Variants in BRD1 observed in about 807,000 individuals in gnomAD.
BRD1 encodes the protein bromodomain-containing protein 1.
BRD1 carries 24 observed loss-of-function variants against 107.7 expected under a neutral mutation model. That is an observed-to-expected ratio of 0.22 (90% CI 0.16 to 0.31). The LOEUF is 0.31. Among genes scored for constraint, BRD1 ranks in the 10% least tolerant of loss-of-function variants. BRD1 has a pLI of 1.00. For synonymous variants in BRD1, 744 were observed against 686.1 expected (o/e 1.08, Z -1.32); for missense variants, 1,279 against 1,638.6 (o/e 0.78, Z 3.79).
chr22:49,778,152 T>C (rs958779206), intron 8 of BRD1, among the ~76,000 whole-genome samples: 2 of 152,198 alleles, frequency 1.3e-5, no homozygotes, highest in African/African-American at 2.4e-5. Flanking sequence ...GGGGCAGATG[T>C]GCAACCTGTG....
intron 3 of BRD1, among the ~76,000 whole-genome samples, chr22:49,800,311 CT>C (rs1037508684): frequency 9.2e-5 from 14 of 152,334 alleles, no homozygotes; most frequent in Non-Finnish European, 7.3e-5. Flanking sequence ...CGTTGCTGCG[CT>C]GATGTCCCCT....
At chr22:49,781,533 C>G (rs1383570201) in intron 8 of BRD1, among the ~76,000 whole-genome samples, 1 of 152,264 alleles carries the variant, frequency 6.6e-6, no homozygotes, top group East Asian at 1.9e-4. Flanking sequence ...AGGCCCTGAT[C>G]AGTGGCTGCC....
chr22:49,819,297 T>A (rs1397670504), intron 2 of BRD1, among the ~76,000 whole-genome samples: 2 of 144,658 alleles, frequency 1.4e-5, no homozygotes, highest in Admixed American at 1.4e-4. Flanking sequence ...AAAATAACAA[T>A]AAATCAATGT....
Position 49,792,626 on chromosome 22 carries a change from G to A in BRD1, c.2359+1408C>T, listed in dbSNP as rs1407232756. 1.3e-5 allele frequency among the ~76,000 whole-genome samples: 2 copies of A among 152,202 alleles called. No individual in the cohort carries two copies. Among genetic ancestry groups the A allele is most frequent in the African/African-American group, 4.8e-5 (2 of 41,434 alleles). On this transcript the variant is annotated intron_variant, in intron 7 of 12. Coordinates refer to ENST00000404760, the MANE Select transcript of BRD1 (RefSeq NM_001304808.3). The surrounding 1 kb of genome is among the most constrained non-coding windows in gnomAD (Gnocchi z 4.2). Reference sequence around the variant, plus strand: ...AAAGCCTTTATTCTATGGACCTAACGTAATTGACGCCAGCCCCAAAAGAGA... The same window carrying A: ...AAAGCCTTTATTCTATGGACCTAACATAATTGACGCCAGCCCCAAAAGAGA...
intron 4 of BRD1, 135 bp downstream of exon 4, chr22:49,798,853 C>T (rs1235039338): frequency 1.8e-5 from 26 of 1,432,204 alleles, no homozygotes; most frequent in East Asian, 4.9e-5. Context: ...AGCCAGGCAC[C>T]CAGCCTGGGC....
At chr22:49,780,645 T>A (rs1480351709) in intron 8 of BRD1, among the ~76,000 whole-genome samples, 1 of 152,236 alleles carries the variant, frequency 6.6e-6, no homozygotes, top group Non-Finnish European at 1.5e-5. Flanking sequence ...TGGCCTGCGC[T>A]GCCCGGACCC....
chr22:49,775,996 C>T (rs1267117052), intron 11 of BRD1, 54 bp downstream of exon 11: 51 of 1,523,746 alleles, frequency 3.3e-5, no homozygotes, highest in Middle Eastern at 3.6e-4. Flanking sequence ...ACCCCCGCCC[C>T]GCAGCTGTGT....
At chr22:49,825,202 A>G (rs1378348020) in intron 1 of BRD1, among the ~76,000 whole-genome samples, 2 of 152,038 alleles carry the variant, frequency 1.3e-5, no homozygotes, top group Non-Finnish European at 2.9e-5. Context: ...ATCCAGACAC[A>G]TGCATGACGC....
intron 7 of BRD1, among the ~76,000 whole-genome samples, chr22:49,790,746 C>T (rs1489091921): frequency 2.6e-5 from 4 of 152,218 alleles, no homozygotes; most frequent in Admixed American, 1.3e-4. Context: ...CTCAAGCCTC[C>T]GTCCTCTGCA....
Position 49,803,151 on chromosome 22 carries a change from C to A in BRD1, c.1524+1053G>T, listed in dbSNP as rs2059673059. 6.6e-6 allele frequency among the ~76,000 whole-genome samples: 1 copy of A among 152,236 alleles called. No homozygotes were observed. Among genetic ancestry groups the A allele is most frequent in the African/African-American group, 2.4e-5 (1 of 41,464 alleles). ...CCAGAGCACCAGACTCTGTAGTTCCCTGGAGCACAAGGCAGCCACGGCAGG... is the reference window on the plus strand; with the variant it reads ...CCAGAGCACCAGACTCTGTAGTTCCATGGAGCACAAGGCAGCCACGGCAGG... On this transcript the variant is annotated intron_variant, in intron 3 of 12. Transcript: ENST00000404760. This position sits in a 1 kb window ranked among gnomAD's most constrained non-coding sequence, Gnocchi z 4.4.
chr22:49,817,389 T>C (rs945098262), intron 2 of BRD1: 10 of 165,516 alleles, frequency 6.0e-5, no homozygotes, highest in Non-Finnish European at 9.3e-5. Flanking sequence ...GCTAACAACA[T>C]CTATTAGGAC....
Position 49,774,369 on chromosome 22 carries a change from G to C in BRD1, c.3434C>G (p.Thr1145Ser). 3 of 1,614,002 alleles carry C rather than the reference G, an allele frequency of 1.9e-6. No individual in the cohort carries two copies. Among genetic ancestry groups the C allele is most frequent in the Non-Finnish European group, 2.5e-6 (3 of 1,179,922 alleles). The change falls in exon 13 of 13, where the codon ACT (threonine) becomes AGT (serine). Residue 1145 changes from threonine (T) to serine (S), a missense_variant. Coordinates refer to ENST00000404760, the MANE Select transcript of BRD1 (RefSeq NM_001304808.3). ...TTCCATCATCTTTAACTTGTCTATA[G>C]TTTCGTCAATACCAAGGGGAACCAT... ...SKMVPLGIDE[T>S]IDKLKMMEGR...
rs371012698 is a variant in BRD1 at position 49,798,651 on chromosome 22, C to G, written c.1692G>C (p.Leu564=). 79 of 1,612,642 alleles carry G rather than the reference C, an allele frequency of 4.9e-5. No individual in the cohort carries two copies. In the Middle Eastern group the frequency reaches 1.2e-3, roughly 24 times the overall value. The stretch of plus-strand genomic sequence containing the variant: ...AGCGCAGCAGCACCGTCAGCGGGGT[C>G]AGCCGCAGCTCCATGGCGACCTGCT... ...KVEQVAMELR[L]TPLTVLLRSV... Residue 564 remains leucine (L), a synonymous_variant, in exon 5 of 13, where the codon CTG becomes CTC. Transcript: ENST00000404760.
rs1486672139 is a variant in BRD1, at chr22:49,803,866, T to C, written c.1524+338A>G. On this transcript the variant is annotated intron_variant, in intron 3 of 12. Transcript: ENST00000404760. The surrounding 1 kb of genome is among the most constrained non-coding windows in gnomAD (Gnocchi z 4.4). ...CTGCTGTCCCCAGCCCGGACGCTCA[T>C]GCAGCCACAGCATAACACATCCCTG... Among the ~76,000 whole-genome samples, 1 of 152,296 alleles carries C rather than the reference T, an allele frequency of 6.6e-6. No homozygotes were observed. The highest frequency in any genetic ancestry group is 1.5e-5 in the Non-Finnish European group (1 of 68,034).
chr22:49,822,046 G>A (rs2147406205), intron 2 of BRD1, among the ~76,000 whole-genome samples: 1 of 152,380 alleles, frequency 6.6e-6, no homozygotes, highest in East Asian at 1.9e-4. Context: ...GGAAGCCCAG[G>A]CCAGAGCCCC....
intron 8 of BRD1, among the ~76,000 whole-genome samples, chr22:49,784,199 G>A (rs1447516129): frequency 6.7e-6 from 1 of 149,464 alleles, no homozygotes; most frequent in Non-Finnish European, 1.5e-5. Context: ...CTCGCAGCAG[G>A]GGTCTCCGCA....
rs1409009071 is a variant in BRD1 at position 49,827,652 on chromosome 22, G to A, written c.-170C>T. The A allele has an allele frequency of 1.4e-5, 2 of 145,116 alleles. No individual in the cohort carries two copies. The highest frequency in any genetic ancestry group is 4.9e-5 in the African/African-American group (2 of 40,512). 9.0% of individuals were successfully genotyped at this position (145,116 alleles called of 1,614,324 possible). A position where few individuals can be genotyped will look rare whatever the true frequency, so the allele number is the denominator to read the frequency against. On this transcript the variant is annotated 5_prime_UTR_variant, in exon 1 of 13. Coordinates refer to ENST00000404760, the MANE Select transcript of BRD1 (RefSeq NM_001304808.3). ...TGGGCGCGGGCCCCTCTCGGCCGCG[G>A]CGGCTCCGGGCCCGGCAGCGGCGGC...
chr22:49,793,732 T>C (rs2059476867), intron 7 of BRD1, among the ~76,000 whole-genome samples: 1 of 152,258 alleles, frequency 6.6e-6, no homozygotes, highest in Non-Finnish European at 1.5e-5. Flanking sequence ...ATCTAAACCA[T>C]TCTTTTCAAA....
At chr22:49,817,660 G>A (rs1321016660) in intron 2 of BRD1, 3 of 226,494 alleles carry the variant, frequency 1.3e-5, no homozygotes, top group African/African-American at 2.3e-5. Flanking sequence ...ACCATCTGAG[G>A]ACTGCCTTTA....
Sources: gnomAD v4.1 joint callset for allele counts (sites outside exome capture counted in the v4.1 genomes callset) on GRCh38, gnomAD v4.1.1 for gene constraint, Gnocchi (gnomAD v3.1) non-coding constraint, MANE v1.5 for transcripts, NCBI Gene and HGNC (gene_info 2026-07-23, HGNC 2026-07-21) for gene names.